Variants in PHACTR1 observed in about 807,000 individuals in gnomAD.
The protein encoded by PHACTR1 is phosphatase and actin regulator 1.
PHACTR1 carries 16 observed loss-of-function variants against 69.2 expected under a neutral mutation model. That is an observed-to-expected ratio of 0.23 (90% CI 0.16 to 0.35). The LOEUF (loss-of-function observed/expected upper bound fraction) is 0.35, where lower values mean the gene tolerates loss of function less well. Ranked by LOEUF, PHACTR1 falls within the 10% of genes least tolerant of loss-of-function variation. The pLI is 1.00. For missense variants in PHACTR1, 510 were observed against 734.7 expected (o/e 0.69, Z 3.54); for synonymous variants, 312 against 284.5 (o/e 1.10, Z -0.97).
At position 13,286,183 on chromosome 6, in the gene PHACTR1, C is replaced by G. The variant is rs371212952; in HGVS notation, c.1688C>G (p.Thr563Ser). 120 of 1,607,370 alleles carry G rather than the reference C, an allele frequency of 7.5e-5. No individual in the cohort carries two copies. Among genetic ancestry groups the G allele is most frequent in the Admixed American group, 5.1e-5 (3 of 59,020 alleles). ...AAGGAGCTCAATGAATTCAAAAGCA[C>G]TGAGATGGAAGTTCATGAATTGAGT... ...IRKELNEFKS[T>S]EMEVHELSRH... The change falls in exon 14 of 15, where the codon ACT becomes AGT. Residue 563 changes from threonine to serine, a missense_variant. Physicochemically the swap from Thr to Ser is moderately conservative, Grantham distance 58. This residue lies in a region of PHACTR1 where 91 missense variants were observed against 203.8 expected (regional missense o/e 0.45). Transcript: ENST00000332995.
intron 11 of PHACTR1, among the ~76,000 whole-genome samples, chr6:13,276,306 C>T (rs1025959040): frequency 1.3e-5 from 2 of 152,142 alleles, no homozygotes; most frequent in Admixed American, 6.5e-5. Flanking sequence ...TGCCCACAGG[C>T]GGTTGGGGGG....
At chr6:13,165,897 G>A (rs527849367) in intron 6 of PHACTR1, among the ~76,000 whole-genome samples, 5 of 90,816 alleles carry the variant, frequency 5.5e-5, no homozygotes, top group African/African-American at 6.2e-5. Flanking sequence ...TCATTACCCT[G>A]TAAATCAGAG....
chr6:12,810,513 G>T (rs1774900307), intron 4 of PHACTR1, among the ~76,000 whole-genome samples: 1 of 152,106 alleles, frequency 6.6e-6, no homozygotes, highest in African/African-American at 2.4e-5. Flanking sequence ...GGGGTTTCTG[G>T]TACCCCATCC....
rs527561899 is a variant in PHACTR1, at chr6:13,226,740, T to C, written c.987-1076T>C. On this transcript the variant is annotated intron_variant, in intron 8 of 14. Coordinates refer to ENST00000332995, the MANE Select transcript of PHACTR1 (RefSeq NM_030948.6). ...CTTTCGAACAACAAACTTGTATAGATTTTTTTTTTTTTTTTTGAGATGGAG... is the reference window on the plus strand; with the variant it reads ...CTTTCGAACAACAAACTTGTATAGACTTTTTTTTTTTTTTTTGAGATGGAG... 3.1e-4 allele frequency among the ~76,000 whole-genome samples: 33 copies of C among 104,952 alleles called. No homozygotes were observed. In the East Asian group the frequency reaches 7.8e-3, roughly 25 times the overall value. 68.9% of individuals were successfully genotyped at this position (104,952 alleles called of 152,430 possible).
intron 10 of PHACTR1, among the ~76,000 whole-genome samples, chr6:13,268,857 C>A (rs1025998497): frequency 6.6e-6 from 1 of 152,164 alleles, no homozygotes; most frequent in African/African-American, 2.4e-5. Context: ...CAGTCGCTTT[C>A]CAGAGAAATG....
At chr6:12,771,239 T>A (rs1769344802) in intron 4 of PHACTR1, among the ~76,000 whole-genome samples, 1 of 152,128 alleles carries the variant, frequency 6.6e-6, no homozygotes, top group African/African-American at 2.4e-5. Context: ...AAGACATTTT[T>A]AAGAGGTGAG....
chr6:12,857,641 A>G (rs1433909034), intron 4 of PHACTR1, among the ~76,000 whole-genome samples: 1 of 151,260 alleles, frequency 6.6e-6, no homozygotes, highest in Non-Finnish European at 1.5e-5. Context: ...AATAGCACTC[A>G]TTGGTGATGA....
At chr6:12,944,679 G>A (rs1445005851) in intron 4 of PHACTR1, among the ~76,000 whole-genome samples, 1 of 152,134 alleles carries the variant, frequency 6.6e-6, no homozygotes, top group African/African-American at 2.4e-5. Flanking sequence ...TTGCAAGCTA[G>A]GTAACGTAGA....
intron 5 of PHACTR1, among the ~76,000 whole-genome samples, chr6:13,107,406 T>C (rs1384622748): frequency 1.3e-5 from 2 of 152,196 alleles, no homozygotes; most frequent in Non-Finnish European, 2.9e-5. Flanking sequence ...GCCACCATGC[T>C]TGGTCTCTTT....
chr6:12,782,081 G>A (rs187377855), intron 4 of PHACTR1, among the ~76,000 whole-genome samples: 1 of 152,236 alleles, frequency 6.6e-6, no homozygotes, highest in East Asian at 1.9e-4. Context: ...TTTCTGAGGG[G>A]CCTAGAAGCT....
chr6:13,007,252 A>G lies in PHACTR1; in HGVS notation c.251-46113A>G, dbSNP rs376181824. On this transcript the variant is annotated intron_variant, in intron 4 of 14. Coordinates refer to ENST00000332995, the MANE Select transcript of PHACTR1 (RefSeq NM_030948.6). ...AGCACCTTTATGTTCTGGTACTTTT[A>G]TTTCTATAAGACAAATATCTAGAAG... 1.2e-4 allele frequency among the ~76,000 whole-genome samples: 18 copies of G among 152,256 alleles called. No homozygotes were observed. In the South Asian group the frequency reaches 3.3e-3, roughly 28 times the overall value.
chr6:13,171,651 GA>G (rs1163658624), intron 6 of PHACTR1, among the ~76,000 whole-genome samples: 10 of 152,132 alleles, frequency 6.6e-5, no homozygotes, highest in Non-Finnish European at 1.5e-4. Context: ...CAATTTTAAC[GA>G]ACTTGAACAC....
intron 7 of PHACTR1, among the ~76,000 whole-genome samples, chr6:13,194,231 T>C (rs973558339): frequency 5.9e-5 from 9 of 152,022 alleles, no homozygotes; most frequent in African/African-American, 2.2e-4. Flanking sequence ...AGTGAAACCC[T>C]GTCTTTACTA....
intron 4 of PHACTR1, among the ~76,000 whole-genome samples, chr6:12,936,762 G>C (rs943724426): frequency 1.3e-5 from 2 of 152,220 alleles, no homozygotes; most frequent in Non-Finnish European, 2.9e-5. Flanking sequence ...TGAGATTTAG[G>C]CATGTAATTT....
chr6:13,228,106 T>C (rs1770119258), intron 9 of PHACTR1, 43 bp downstream of exon 9: 1 of 1,578,404 alleles, frequency 6.3e-7, no homozygotes, highest in East Asian at 2.3e-5. Flanking sequence ...GGAAGCATGC[T>C]ATTGTGGAAA....
intron 4 of PHACTR1, among the ~76,000 whole-genome samples, chr6:12,857,099 T>C (rs966626320): frequency 6.6e-6 from 1 of 152,222 alleles, no homozygotes; most frequent in Admixed American, 6.5e-5. Flanking sequence ...AATTTCCTCT[T>C]CTTAATAAGG....
chr6:13,027,736 T>C (rs9381638), intron 4 of PHACTR1, among the ~76,000 whole-genome samples: 112,295 of 151,870 alleles, frequency 0.74, 42,411 homozygotes, highest in East Asian at 0.88. Context: ...AGTGCAGTGG[T>C]GCAATCTAGG....
chr6:12,759,133 A>C (rs1361323286), intron 4 of PHACTR1, among the ~76,000 whole-genome samples: 1 of 151,494 alleles, frequency 6.6e-6, no homozygotes, highest in Non-Finnish European at 1.5e-5. Context: ...AAAAAAAAAA[A>C]AAAAAAAAAA....
intron 5 of PHACTR1, among the ~76,000 whole-genome samples, chr6:13,083,062 G>T (rs1432757941): frequency 6.6e-6 from 1 of 152,158 alleles, no homozygotes; most frequent in Non-Finnish European, 1.5e-5. Flanking sequence ...TTCTTCTAGG[G>T]TTTTTATGGT....
Sources: allele counts gnomAD v4.1 joint callset (sites outside exome capture counted in the v4.1 genomes callset), GRCh38; gene constraint gnomAD v4.1.1; regional missense constraint gnomAD v4.1.1; transcripts MANE v1.5; gene names NCBI Gene and HGNC (gene_info 2026-07-23, HGNC 2026-07-21).